PTPRN2: variants seen among roughly 807,000 people sequenced by gnomAD.
The protein encoded by PTPRN2 is receptor-type tyrosine-protein phosphatase N2.
In PTPRN2, 74 loss-of-function variants were observed where a neutral mutation model predicts 118.8. That is an observed-to-expected ratio of 0.62 (90% CI 0.52 to 0.76). The LOEUF (loss-of-function observed/expected upper bound fraction) is 0.76, where lower values mean the gene tolerates loss of function less well. Among genes scored for constraint, PTPRN2 ranks in the 30% least tolerant of loss-of-function variants. The probability of loss-of-function intolerance (pLI) is 0.00; values close to 1 mark genes in which losing one functional copy is unlikely to be tolerated. For synonymous variants in PTPRN2, 641 were observed against 608.0 expected (o/e 1.05, Z -0.80); for missense variants, 1,481 against 1,394.4 (o/e 1.06, Z -0.99).
rs566239743 is a variant in PTPRN2, at chr7:157,835,828, T to G, written c.1788+62845A>C. ...TTAATGGAACCATAAAAATAACAAATAAAAACTTGTGTTTCACTGATGACA... is the reference window on the plus strand; with the variant it reads ...TTAATGGAACCATAAAAATAACAAAGAAAAACTTGTGTTTCACTGATGACA... On this transcript the variant is annotated intron_variant, in intron 12 of 22. Coordinates refer to ENST00000389418, the MANE Select transcript of PTPRN2 (RefSeq NM_002847.5). Among the ~76,000 whole-genome samples the G allele has an allele frequency of 4.8e-3, 726 of 152,052 alleles. 7 individuals are homozygous for G. The Middle Eastern group carries it at 0.058, about 12-fold the overall frequency.
intron 6 of PTPRN2, among the ~76,000 whole-genome samples, chr7:158,152,187 A>AAAAAAC (rs1489792162): frequency 1.3e-5 from 2 of 151,212 alleles, no homozygotes; most frequent in Non-Finnish European, 3.0e-5. Flanking sequence ...AAAAAAAAAA[A>AAAAAAC]AAAACCATGA....
chr7:158,482,747 T>A (rs1793849475), intron 2 of PTPRN2, among the ~76,000 whole-genome samples: 1 of 152,224 alleles, frequency 6.6e-6, no homozygotes, highest in South Asian at 2.1e-4. Context: ...GTGGTTTTTT[T>A]TATATTCACA....
intron 12 of PTPRN2, among the ~76,000 whole-genome samples, chr7:157,800,998 TAC>T (rs1193499139): frequency 1.0e-4 from 15 of 150,666 alleles, no homozygotes; most frequent in Non-Finnish European, 1.9e-4. Context: ...CACATATATA[TAC>T]ACACATATAC....
chr7:157,756,380 T>C (rs960404987), intron 12 of PTPRN2, among the ~76,000 whole-genome samples: 4 of 151,968 alleles, frequency 2.6e-5, no homozygotes, highest in African/African-American at 9.7e-5. Context: ...CTGCAGCCTC[T>C]GCCTCTCAGG....
chr7:158,088,373 A>C (rs188959847), intron 10 of PTPRN2, among the ~76,000 whole-genome samples: 10 of 26,380 alleles, frequency 3.8e-4, no homozygotes, highest in African/African-American at 6.4e-4. Flanking sequence ...TCTTCACACA[A>C]ACCCTTCTTC....
chr7:158,007,942 G>C (rs1299513156), intron 11 of PTPRN2, among the ~76,000 whole-genome samples: 1 of 150,386 alleles, frequency 6.6e-6, no homozygotes, highest in East Asian at 2.0e-4. Context: ...TGGCTGTGCT[G>C]TGTGTGGGGG....
chr7:158,174,160 T>C (rs1192335559), intron 5 of PTPRN2, among the ~76,000 whole-genome samples: 1 of 152,182 alleles, frequency 6.6e-6, no homozygotes, highest in African/African-American at 2.4e-5. Context: ...CATAAGAAAT[T>C]ATGAAAGTAC....
intron 2 of PTPRN2, among the ~76,000 whole-genome samples, chr7:158,443,105 T>G (rs993345439): frequency 3.3e-5 from 5 of 151,806 alleles, no homozygotes; most frequent in Non-Finnish European, 7.4e-5. Flanking sequence ...AGAATGACTC[T>G]TAACCTGGTC....
chr7:157,901,497 A>C (rs918218985), intron 11 of PTPRN2, among the ~76,000 whole-genome samples: 5 of 152,158 alleles, frequency 3.3e-5, no homozygotes, highest in Non-Finnish European at 7.3e-5. Context: ...AATGTAGAAA[A>C]CCAGTTATAA....
At chr7:157,871,385 G>A (rs1363694695) in intron 12 of PTPRN2, among the ~76,000 whole-genome samples, 1 of 152,172 alleles carries the variant, frequency 6.6e-6, no homozygotes, top group African/African-American at 2.4e-5. Context: ...GGGGATTTGG[G>A]TTGTTCTGCT....
rs561264154 is a variant in PTPRN2, at chr7:158,312,034, GAC to G, written c.277+4783_277+4784del. On this transcript the variant is annotated intron_variant, in intron 3 of 22. Transcript: ENST00000389418. ...GCACATTCACATGCTCACGTGTAGA[GAC>G]ACACACATGCACACACGTGCTCACA... Among the ~76,000 whole-genome samples the G allele has an allele frequency of 3.0e-4, 42 of 140,942 alleles. No homozygotes were observed. The East Asian group carries it at 3.4e-3, about 11-fold the overall frequency. The allele number at this position is 140,942 out of a possible 152,430, so 92.5% of individuals were successfully genotyped here.
intron 2 of PTPRN2, among the ~76,000 whole-genome samples, chr7:158,411,968 C>T (rs1259303126): frequency 6.6e-6 from 1 of 151,586 alleles, no homozygotes; most frequent in Non-Finnish European, 1.5e-5. Flanking sequence ...CCCTCATCAG[C>T]TCCAGGGCCC....
intron 2 of PTPRN2, among the ~76,000 whole-genome samples, chr7:158,440,777 T>TGG (rs1326330425): frequency 7.3e-6 from 1 of 137,292 alleles, no homozygotes; most frequent in Non-Finnish European, 1.5e-5. Context: ...TTAGTGATAG[T>TGG]GGTGATGGTG....
chr7:157,748,447 CTGTGGGGTGT>C (rs1801175865), intron 12 of PTPRN2, among the ~76,000 whole-genome samples: 1 of 149,362 alleles, frequency 6.7e-6, no homozygotes, highest in African/African-American at 2.5e-5. Flanking sequence ...TGTCCCTGAG[CTGTGGGGTGT>C]CTGGGTGATT....
chr7:157,822,100 T>TCATC (rs1336769281), intron 12 of PTPRN2, among the ~76,000 whole-genome samples: 1 of 151,444 alleles, frequency 6.6e-6, no homozygotes, highest in African/African-American at 2.4e-5. Context: ...ACCCATACAC[T>TCATC]CATCCATCCA....
intron 2 of PTPRN2, among the ~76,000 whole-genome samples, chr7:158,397,063 T>C (rs1180081732): frequency 3.3e-5 from 5 of 152,212 alleles, no homozygotes; most frequent in Non-Finnish European, 7.4e-5. Context: ...CAATTTGCTC[T>C]TTTAATTTGC....
chr7:158,330,860 ATG>A (rs1804238481), intron 2 of PTPRN2, among the ~76,000 whole-genome samples: 4 of 99,506 alleles, frequency 4.0e-5, no homozygotes, highest in African/African-American at 1.1e-4. Context: ...ATAAGAGCTG[ATG>A]CCCGCAGACG....
At chr7:158,212,547 G>A (rs928085449) in intron 3 of PTPRN2, among the ~76,000 whole-genome samples, 8 of 152,036 alleles carry the variant, frequency 5.3e-5, no homozygotes, top group Admixed American at 2.6e-4. Context: ...TAAAAAAATA[G>A]ACTTAATGGG....
chr7:157,847,767 C>T (rs1169103614), intron 12 of PTPRN2, among the ~76,000 whole-genome samples: 8 of 133,458 alleles, frequency 6.0e-5, no homozygotes, highest in Non-Finnish European at 1.3e-4. Flanking sequence ...CATGCGTGCC[C>T]GATGTCTACA....
Sources: allele counts gnomAD v4.1 joint callset (sites outside exome capture counted in the v4.1 genomes callset), GRCh38; gene constraint gnomAD v4.1.1; transcripts MANE v1.5; gene names NCBI Gene and HGNC (gene_info 2026-07-23, HGNC 2026-07-21).